ANKRD33B: variants seen among roughly 807,000 people sequenced by gnomAD.
ANKRD33B encodes ankyrin repeat domain-containing protein 33B.
A neutral mutation model predicts 21.5 loss-of-function variants in ANKRD33B; 6 were observed. The observed-to-expected ratio is 0.28, with a 90% CI of 0.15 to 0.55. ANKRD33B has a LOEUF of 0.55. ANKRD33B is among the 20% of genes least tolerant of loss of function. The pLI, the probability that ANKRD33B is intolerant of heterozygous loss-of-function variation, is 0.94. For missense variants in ANKRD33B, 698 were observed against 747.2 expected, an observed-to-expected ratio of 0.93 and a Z score of 0.77; for synonymous variants, 347 against 342.4, an observed-to-expected ratio of 1.01 and a Z score of -0.15.
rs1331685675 is a variant in ANKRD33B, at chr5:10,650,089, T to C, written c.1461T>C (p.Thr487=). Residue 487 remains threonine, a synonymous_variant, in exon 4 of 4, where the codon ACT becomes ACC. Coordinates refer to ENST00000296657, the MANE Select transcript of ANKRD33B (RefSeq NM_001164440.2). ...RQAEAQKERR[T]APWKKRT ...CCGAGGCGCAGAAGGAGAGGCGCAC[T>C]GCGCCCTGGAAGAAGAGGACGTGAG... 19 of 1,523,568 alleles carry C rather than the reference T, an allele frequency of 1.2e-5. No individual in the cohort carries two copies. The highest frequency in any genetic ancestry group is 1.5e-5 in the Non-Finnish European group (17 of 1,139,634). 94.4% of individuals were successfully genotyped at this position (1,523,568 alleles called of 1,614,324 possible).
At chr5:10,631,464 G>A (rs1736708064) in intron 2 of ANKRD33B, among the ~76,000 whole-genome samples, 1 of 152,216 alleles carries the variant, frequency 6.6e-6, no homozygotes, top group South Asian at 2.1e-4. Context: ...ACTGAGGATT[G>A]ACGAGGTTCA....
chr5:10,578,946 C>G (rs964779030), intron 1 of ANKRD33B, among the ~76,000 whole-genome samples: 4 of 152,112 alleles, frequency 2.6e-5, no homozygotes, highest in Non-Finnish European at 4.4e-5. Flanking sequence ...GGTGGATTGC[C>G]TGAGCCCAGG....
chr5:10,622,238 G>A (rs1736436614), intron 2 of ANKRD33B, among the ~76,000 whole-genome samples: 1 of 152,202 alleles, frequency 6.6e-6, no homozygotes, highest in African/African-American at 2.4e-5. Flanking sequence ...GGGTCCCCTG[G>A]ACAGCACCCA....
At chr5:10,566,989 T>C (rs1735077255) in intron 1 of ANKRD33B, among the ~76,000 whole-genome samples, 1 of 152,354 alleles carries the variant, frequency 6.6e-6, no homozygotes, top group African/African-American at 2.4e-5. Flanking sequence ...GTTTTTTGTC[T>C]TCTGCCAGGC....
Position 10,649,771 on chromosome 5 carries a change from C to T in ANKRD33B, c.1143C>T (p.Gly381=). The T allele has an allele frequency of 2.1e-6, 3 of 1,405,560 alleles. No individual in the cohort carries two copies. Among genetic ancestry groups the T allele is most frequent in the East Asian group, 5.8e-5 (2 of 34,190 alleles). The allele number at this position is 1,405,560 out of a possible 1,614,324, so 87.1% of individuals were successfully genotyped here. A position where few individuals can be genotyped will look rare whatever the true frequency, so the allele number is the denominator to read the frequency against. The change falls in exon 4 of 4, where the codon GGC becomes GGT. Residue 381 remains glycine, a synonymous_variant. Coordinates refer to ENST00000296657, the MANE Select transcript of ANKRD33B (RefSeq NM_001164440.2). ...AGGAGGACGCGGACTCCCGGGAGGG[C>T]TCCCCGAGAGCCGGCCTCCCTCCCG... ...TGQEDADSRE[G]SPRAGLPPAL...
intron 1 of ANKRD33B, among the ~76,000 whole-genome samples, chr5:10,605,334 A>T (rs999605636): frequency 1.3e-5 from 2 of 152,204 alleles, no homozygotes; most frequent in African/African-American, 4.8e-5. Flanking sequence ...GAGGAAACGA[A>T]GATCATTGGG....
chr5:10,637,049 C>G (rs1037762359), intron 2 of ANKRD33B, among the ~76,000 whole-genome samples: 3 of 152,196 alleles, frequency 2.0e-5, no homozygotes, highest in African/African-American at 7.2e-5. Context: ...CCGACTGTGC[C>G]AAGGCTGGGA....
rs1032320231 is a variant in ANKRD33B, at chr5:10,654,762, G to A, written c.*4649G>A. 3.9e-5 allele frequency: 6 copies of A among 152,428 alleles called. No homozygotes were observed. Among genetic ancestry groups the A allele is most frequent in the Non-Finnish European group, 8.8e-5 (6 of 68,058 alleles). The allele number at this position is 152,428 out of a possible 1,614,324, so 9.4% of individuals were successfully genotyped here. On this transcript the variant is annotated 3_prime_UTR_variant, in exon 4 of 4. Coordinates refer to ENST00000296657, the MANE Select transcript of ANKRD33B (RefSeq NM_001164440.2). ...AGTCCTCGCTCTTCCCTCCAGAACC[G>A]GCCGCTCCCGGTCTGACGTTGGAGC...
At chr5:10,566,400 T>G (rs1735058548) in intron 1 of ANKRD33B, among the ~76,000 whole-genome samples, 1 of 152,184 alleles carries the variant, frequency 6.6e-6, no homozygotes, top group Non-Finnish European at 1.5e-5. Context: ...CCCAGATGTG[T>G]GTAATCAGAA....
chr5:10,574,622 C>T (rs1735276545), intron 1 of ANKRD33B, among the ~76,000 whole-genome samples: 1 of 151,984 alleles, frequency 6.6e-6, no homozygotes, highest in Non-Finnish European at 1.5e-5. Flanking sequence ...ATTATAGATC[C>T]AGGACAAAAG....
intron 3 of ANKRD33B, among the ~76,000 whole-genome samples, chr5:10,648,397 G>A (rs551429092): frequency 2.6e-5 from 4 of 152,346 alleles, no homozygotes; most frequent in African/African-American, 9.6e-5. Context: ...ATTCAAGTAT[G>A]CAAGGCAGCT....
At chr5:10,609,380 C>G (rs887297775) in intron 1 of ANKRD33B, among the ~76,000 whole-genome samples, 1 of 151,804 alleles carries the variant, frequency 6.6e-6, no homozygotes. Context: ...TGGCAAAACA[C>G]CATCTCTACA....
At position 10,601,249 on chromosome 5, in the gene ANKRD33B, G is replaced by A. The variant is rs866788969; in HGVS notation, c.367-17084G>A. Among the ~76,000 whole-genome samples the A allele has an allele frequency of 7.2e-5, 11 of 152,124 alleles. 1 individual carries two copies. The highest frequency in any genetic ancestry group is 1.3e-4 in the Non-Finnish European group (9 of 68,028). On this transcript the variant is annotated intron_variant, in intron 1 of 3. Transcript: ENST00000296657. ...ATAGTTAGCAGGAAAATCTGATCACGCTGCTTTCTAAGACCCTGCGTGGTT... is the reference window on the plus strand; with the variant it reads ...ATAGTTAGCAGGAAAATCTGATCACACTGCTTTCTAAGACCCTGCGTGGTT...
At chr5:10,624,134 T>TC (rs1308447137) in intron 2 of ANKRD33B, among the ~76,000 whole-genome samples, 5 of 148,914 alleles carry the variant, frequency 3.4e-5, no homozygotes, top group East Asian at 1.9e-4. Context: ...TCTTTTCTTT[T>TC]TTTTTTTTTT....
At position 10,651,832 on chromosome 5, in the gene ANKRD33B, C is replaced by G. The variant is rs917613625; in HGVS notation, c.*1719C>G. The G allele has an allele frequency of 2.6e-5, 4 of 152,370 alleles. No homozygotes were observed. Among genetic ancestry groups the G allele is most frequent in the African/African-American group, 4.8e-5 (2 of 41,446 alleles). 9.4% of individuals were successfully genotyped at this position (152,370 alleles called of 1,614,324 possible). On this transcript the variant is annotated 3_prime_UTR_variant, in exon 4 of 4. Transcript: ENST00000296657. The stretch of plus-strand genomic sequence containing the variant: ...TGGCCTCTCCAAATACTCCATTGAA[C>G]AGGACTGCAGGCTGCACCCAGGCTA...
At chr5:10,647,149 G>A (rs1387734266) in intron 3 of ANKRD33B, among the ~76,000 whole-genome samples, 1 of 151,706 alleles carries the variant, frequency 6.6e-6, no homozygotes, top group East Asian at 1.9e-4. Context: ...CTGTTAATCA[G>A]GCTGGAGTGC....
chr5:10,622,122 C>A (rs1434266399), intron 2 of ANKRD33B, among the ~76,000 whole-genome samples: 1 of 152,246 alleles, frequency 6.6e-6, no homozygotes, highest in African/African-American at 2.4e-5. Context: ...TAAATTATAT[C>A]TCTACCAGAT....
intron 1 of ANKRD33B, among the ~76,000 whole-genome samples, chr5:10,574,705 A>G (rs2126547241): frequency 6.6e-6 from 1 of 152,348 alleles, no homozygotes; most frequent in East Asian, 1.9e-4. Context: ...AATAGCACAC[A>G]TTTGAAAATA....
intron 3 of ANKRD33B, 25 bp downstream of exon 3, chr5:10,638,193 T>C (rs1444651003): frequency 1.1e-5 from 17 of 1,535,070 alleles, no homozygotes; most frequent in Non-Finnish European, 1.4e-5. Flanking sequence ...CCTGTGCAGC[T>C]TCCAGGGGCC....
Sources: allele counts gnomAD v4.1 joint callset (sites outside exome capture counted in the v4.1 genomes callset), GRCh38; gene constraint gnomAD v4.1.1; transcripts MANE v1.5; gene names NCBI Gene and HGNC (gene_info 2026-07-23, HGNC 2026-07-21).